TRIM37: variants seen among roughly 807,000 people sequenced by gnomAD.
The protein encoded by TRIM37 is E3 ubiquitin-protein ligase TRIM37.
TRIM37 carries 80 observed loss-of-function variants against 129.8 expected under a neutral mutation model. The observed-to-expected ratio is 0.62, with a 90% CI of 0.51 to 0.74. The LOEUF (loss-of-function observed/expected upper bound fraction) is 0.74, where lower values mean the gene tolerates loss of function less well. Among genes scored for constraint, TRIM37 ranks in the 30% least tolerant of loss-of-function variants. The pLI, the probability that TRIM37 is intolerant of heterozygous loss-of-function variation, is 0.00. For synonymous variants in TRIM37, 389 were observed against 387.1 expected, an observed-to-expected ratio of 1.00 and a Z score of -0.06; for missense variants, 1,054 against 1,176.5, an observed-to-expected ratio of 0.90 and a Z score of 1.52.
chr17:59,102,914 C>T (rs2045641208), intron 2 of TRIM37, among the ~76,000 whole-genome samples: 1 of 152,050 alleles, frequency 6.6e-6, no homozygotes, highest in Admixed American at 6.5e-5. Context: ...CGCTCTGTCG[C>T]CAGGCTGGAG....
Position 59,091,386 on chromosome 17 carries a change from A to C in TRIM37, c.124-46T>G, listed in dbSNP as rs778979552. The C allele has an allele frequency of 5.4e-6, 4 of 743,410 alleles. No individual in the cohort carries two copies. The South Asian group carries it at 1.3e-4, about 24-fold the overall frequency. The allele number at this position is 743,410 out of a possible 1,614,324, so 46.1% of individuals were successfully genotyped here. A position where few individuals can be genotyped will look rare whatever the true frequency, so the allele number is the denominator to read the frequency against. On this transcript the variant is annotated intron_variant, in intron 2 of 23. Transcript: ENST00000262294. ...ATATCGATTAGAAAACATCATTACTATATATATATATTACTTAATATTTTA... is the reference window on the plus strand; with the variant it reads ...ATATCGATTAGAAAACATCATTACTCTATATATATATTACTTAATATTTTA...
intron 9 of TRIM37, among the ~76,000 whole-genome samples, chr17:59,065,536 C>T (rs1369914001): frequency 2.0e-5 from 3 of 152,172 alleles, no homozygotes; most frequent in Non-Finnish European, 4.4e-5. Context: ...CACTTTGCTG[C>T]TAACTACCTT....
intron 12 of TRIM37, among the ~76,000 whole-genome samples, chr17:59,057,843 C>T (rs1599239489): frequency 1.3e-5 from 2 of 151,924 alleles, no homozygotes; most frequent in Non-Finnish European, 2.9e-5. Flanking sequence ...GTATTTTGAA[C>T]GAACCACCAA....
chr17:59,021,758 TA>T (rs1334300516), intron 19 of TRIM37, among the ~76,000 whole-genome samples: 6 of 152,034 alleles, frequency 3.9e-5, no homozygotes. Context: ...TGAAAATAAC[TA>T]AAAGAGTACA....
At chr17:59,069,426 T>C (rs2042186522) in intron 9 of TRIM37, among the ~76,000 whole-genome samples, 1 of 152,094 alleles carries the variant, frequency 6.6e-6, no homozygotes, top group Middle Eastern at 3.4e-3. Flanking sequence ...ATCAGAGGCA[T>C]CACATATTAG....
chr17:59,023,060 C>A (rs999340755), intron 19 of TRIM37, among the ~76,000 whole-genome samples: 4 of 151,718 alleles, frequency 2.6e-5, no homozygotes, highest in Non-Finnish European at 4.4e-5. Context: ...GAAGGATGTA[C>A]CTTTTAACTT....
At chr17:59,103,120 ACCT>A (rs1374140865) in intron 2 of TRIM37, among the ~76,000 whole-genome samples, 1 of 151,914 alleles carries the variant, frequency 6.6e-6, no homozygotes, top group Non-Finnish European at 1.5e-5. Context: ...TGATCCACAC[ACCT>A]CAGCCTCCCA....
intron 19 of TRIM37, among the ~76,000 whole-genome samples, chr17:59,020,434 TAAC>T (rs1181488732): frequency 4.6e-5 from 7 of 151,432 alleles, no homozygotes; most frequent in Non-Finnish European, 1.0e-4. Flanking sequence ...AAAAAGAAGT[TAAC>T]AACCCATATG....
chr17:59,104,580 T>C (rs1467950989), intron 1 of TRIM37, 186 bp from the exon 2 acceptor site: 15 of 756,750 alleles, frequency 2.0e-5, no homozygotes, highest in Non-Finnish European at 3.6e-5. Flanking sequence ...TGTACTCCCG[T>C]TTGGTTTCAC....
intron 1 of TRIM37, among the ~76,000 whole-genome samples, chr17:59,105,413 A>G (rs960214380): frequency 1.3e-5 from 2 of 152,220 alleles, no homozygotes; most frequent in Non-Finnish European, 2.9e-5. Context: ...AAATATGTAA[A>G]TACAAGAAAC....
chr17:58,981,215 T>C (rs958680088), downstream of TRIM37: 5 of 557,356 alleles, frequency 9.0e-6, no homozygotes, highest in Admixed American at 1.1e-4. Flanking sequence ...AAAGAAGTAT[T>C]GGCAGTTTCA....
intron 7 of TRIM37, among the ~76,000 whole-genome samples, chr17:59,077,888 C>T (rs1202190601): frequency 2.0e-5 from 3 of 148,602 alleles, no homozygotes; most frequent in East Asian, 2.0e-4. Context: ...CTTCGGGAGG[C>T]GGAGGTGGGT....
downstream of TRIM37, chr17:58,982,062 T>C (rs1162941319): frequency 6.5e-6 from 1 of 152,686 alleles, no homozygotes; most frequent in East Asian, 1.9e-4. Context: ...GGTAGTGAAG[T>C]AATTGGAATG....
intron 19 of TRIM37, among the ~76,000 whole-genome samples, chr17:59,019,486 G>T (rs2036326930): frequency 6.6e-6 from 1 of 152,100 alleles, no homozygotes; most frequent in Non-Finnish European, 1.5e-5. Flanking sequence ...GAGGTGGGTG[G>T]CGCATGAGGT....
chr17:58,998,488 T>A lies in TRIM37; in HGVS notation c.*889A>T. ...AACTGTTTTGGGCTAATTATGAGTA[T>A]GAAAGAAAACCTTATATCACAGTTT... On this transcript the variant is annotated 3_prime_UTR_variant, in exon 24 of 24. Coordinates refer to ENST00000262294, the MANE Select transcript of TRIM37 (RefSeq NM_015294.6). 1.0e-6 allele frequency: 1 copy of A among 985,432 alleles called. No individual in the cohort carries two copies. The highest frequency in any genetic ancestry group is 1.2e-6 in the Non-Finnish European group (1 of 829,926). 61.0% of individuals were successfully genotyped at this position (985,432 alleles called of 1,614,324 possible).
rs919202854 is a variant in TRIM37, at chr17:59,074,430, A to C, written c.684+1217T>G. ...GTGTATGTAAAAAGAAAAGGAAAAA[A>C]GAATGGGGATAATGAAGAAAAATAA... On this transcript the variant is annotated intron_variant, in intron 8 of 23. Coordinates refer to ENST00000262294, the MANE Select transcript of TRIM37 (RefSeq NM_015294.6). Among the ~76,000 whole-genome samples, 8 of 152,368 alleles carry C rather than the reference A, an allele frequency of 5.3e-5. No individual in the cohort carries two copies. The South Asian group carries it at 1.0e-3, about 20-fold the overall frequency.
At chr17:59,061,327 C>T (rs1478671461) in intron 11 of TRIM37, among the ~76,000 whole-genome samples, 1 of 151,276 alleles carries the variant, frequency 6.6e-6, no homozygotes, top group African/African-American at 2.4e-5. Context: ...AGGGAAATAT[C>T]AACAACCACA....
At chr17:58,991,598 C>T (rs1023676897) in intron 24 of TRIM37, among the ~76,000 whole-genome samples, 4 of 152,158 alleles carry the variant, frequency 2.6e-5, no homozygotes, top group South Asian at 2.1e-4. Context: ...AATCAGATGA[C>T]GACAGAAAAT....
At chr17:59,007,231 C>CCCCACACA (rs2034642937) in intron 22 of TRIM37, among the ~76,000 whole-genome samples, 1 of 97,500 alleles carries the variant, frequency 1.0e-5, no homozygotes, top group African/African-American at 4.1e-5. Context: ...CCCCACCCAC[C>CCCCACACA]CACACACACA....
Sources: allele counts gnomAD v4.1 joint callset (sites outside exome capture counted in the v4.1 genomes callset), GRCh38; gene constraint gnomAD v4.1.1; transcripts MANE v1.5; gene names NCBI Gene and HGNC (gene_info 2026-07-23, HGNC 2026-07-21).